The following PCDHA11 variants were observed in gnomAD, a reference collection of about 807,000 sequenced individuals.
The protein encoded by PCDHA11 is protocadherin alpha-11.
A neutral mutation model predicts 70.3 loss-of-function variants in PCDHA11; 61 were observed. The ratio of observed to expected loss-of-function variants is 0.87; its 90% CI spans 0.71 to 1.07. The LOEUF is 1.07. Among genes scored for constraint, PCDHA11 ranks in the 50% least tolerant of loss-of-function variants. The pLI, the probability that PCDHA11 is intolerant of heterozygous loss-of-function variation, is 0.00. For missense variants in PCDHA11, 1,324 were observed against 1,237.5 expected (o/e 1.07, Z -1.05); for synonymous variants, 633 against 555.1 (o/e 1.14, Z -1.97).
intron 1 of PCDHA11, among the ~76,000 whole-genome samples, chr5:140,934,368 C>A (rs2089796426): frequency 6.6e-6 from 1 of 152,102 alleles, no homozygotes; most frequent in African/African-American, 2.4e-5. Context: ...TGCTTTGACT[C>A]CTTCTGTGGT....
intron 1 of PCDHA11, among the ~76,000 whole-genome samples, chr5:140,879,111 T>A (rs1056977716): frequency 2.0e-4 from 30 of 152,184 alleles, no homozygotes; most frequent in African/African-American, 7.2e-4. Flanking sequence ...ATGGTGTAAT[T>A]GAAGGATTAG....
chr5:140,913,942 T>A (rs1489221369), intron 1 of PCDHA11, among the ~76,000 whole-genome samples: 10 of 152,198 alleles, frequency 6.6e-5, no homozygotes, highest in African/African-American at 2.4e-4. Flanking sequence ...GAGAAGAATC[T>A]TGATATGATA....
At chr5:140,997,563 A>G (rs891862395) in intron 3 of PCDHA11, among the ~76,000 whole-genome samples, 7 of 152,202 alleles carry the variant, frequency 4.6e-5, no homozygotes, top group Non-Finnish European at 8.8e-5. Context: ...GACAACTGTC[A>G]TATGTGTGGT....
chr5:140,891,481 C>G (rs2063126797), intron 1 of PCDHA11, among the ~76,000 whole-genome samples: 1 of 151,620 alleles, frequency 6.6e-6, no homozygotes, highest in Admixed American at 6.6e-5. Context: ...CTTTACATCA[C>G]TTTGAGCATA....
At chr5:140,934,930 C>G (rs1467115569) in intron 1 of PCDHA11, among the ~76,000 whole-genome samples, 2 of 152,102 alleles carry the variant, frequency 1.3e-5, no homozygotes, top group Non-Finnish European at 2.9e-5. Context: ...CATAAAGTTA[C>G]AAAACTAGTA....
intron 1 of PCDHA11, chr5:140,884,487 T>C (rs374963144): frequency 6.2e-7 from 1 of 1,613,832 alleles, no homozygotes; most frequent in African/African-American, 1.3e-5. Flanking sequence ...CCCACTCTAG[T>C]GTGCTCCAGC....
At chr5:140,966,736 T>A in intron 1 of PCDHA11, 1 of 1,418,140 alleles carries the variant, frequency 7.1e-7, no homozygotes, top group Non-Finnish European at 9.2e-7. Context: ...CCTCCGGCCC[T>A]GCCCGGCTGC....
At chr5:140,971,370 G>C (rs2096473492) in intron 1 of PCDHA11, among the ~76,000 whole-genome samples, 3 of 152,194 alleles carry the variant, frequency 2.0e-5, no homozygotes, top group African/African-American at 7.2e-5. Flanking sequence ...CCAGGAGAGT[G>C]CATGACTTTA....
Position 140,869,506 on chromosome 5 carries a change from C to G in PCDHA11, c.403C>G (p.Leu135Val), listed in dbSNP as rs782699561. The stretch of plus-strand genomic sequence containing the variant: ...TAACGACAACCCGCCGGTGTTCTCG[C>G]TCAGAGAACAAAAGCTGCTGATTGC... ...DINDNPPVFS[L>V]REQKLLIAES... is the part of the protein sequence containing the mutation. The change falls in exon 1 of 4, where the codon CTC becomes GTC. Residue 135 changes from leucine (L) to valine (V), a missense_variant. Physicochemically the swap from Leu to Val is conservative, Grantham distance 32. Coordinates refer to ENST00000398640, the MANE Select transcript of PCDHA11 (RefSeq NM_018902.5). 1.2e-5 allele frequency: 20 copies of G among 1,614,178 alleles called. No individual in the cohort carries two copies. The highest frequency in any genetic ancestry group is 6.7e-5 in the Admixed American group (4 of 60,028).
At chr5:140,921,078 C>A (rs2153559626) in intron 1 of PCDHA11, among the ~76,000 whole-genome samples, 1 of 151,870 alleles carries the variant, frequency 6.6e-6, no homozygotes, top group East Asian at 2.0e-4. Context: ...CTCTTGGGCT[C>A]AAGAGAATCC....
chr5:140,992,789 T>G (rs2097528439), intron 3 of PCDHA11, among the ~76,000 whole-genome samples: 1 of 152,148 alleles, frequency 6.6e-6, no homozygotes, highest in Admixed American at 6.5e-5. Flanking sequence ...AGGGTCAATT[T>G]TATGGATCCA....
chr5:140,980,933 C>G (rs1376814777), intron 2 of PCDHA11, among the ~76,000 whole-genome samples: 1 of 152,120 alleles, frequency 6.6e-6, no homozygotes, highest in African/African-American at 2.4e-5. Flanking sequence ...CTGCTTTGAG[C>G]TGAGCTGGCT....
At position 140,869,296 on chromosome 5, in the gene PCDHA11, C is replaced by G. The variant is rs782726122; in HGVS notation, c.193C>G (p.Arg65Gly). Residue 65 changes from arginine (R) to glycine (G), a missense_variant, in exon 1 of 4, where the codon CGG becomes GGG. Coordinates refer to ENST00000398640, the MANE Select transcript of PCDHA11 (RefSeq NM_018902.5). ...GGCGGAGCTGGTGCAGCGCCTGTTCCGGGTGGCGTCCAAAACACATGGGGA... is the reference window on the plus strand; with the variant it reads ...GGCGGAGCTGGTGCAGCGCCTGTTCGGGGTGGCGTCCAAAACACATGGGGA... Reference protein sequence around the residue: ...ELAELVQRLFRVASKTHGDLL... With the variant: ...ELAELVQRLFGVASKTHGDLL... The G allele has an allele frequency of 1.2e-6, 2 of 1,613,602 alleles. No individual in the cohort carries two copies. The highest frequency in any genetic ancestry group is 1.1e-5 in the South Asian group (1 of 91,054).
intron 1 of PCDHA11, among the ~76,000 whole-genome samples, chr5:140,873,569 G>A (rs1419596036): frequency 6.7e-6 from 1 of 148,974 alleles, no homozygotes; most frequent in African/African-American, 2.4e-5. Context: ...TTCTAGTTTG[G>A]TTGTTTAAGT....
chr5:140,966,488 C>G (rs1161799910), intron 1 of PCDHA11: 7 of 440,132 alleles, frequency 1.6e-5, no homozygotes, highest in East Asian at 1.1e-4. Context: ...TTTCCCTCCC[C>G]CTGGAGCTGT....
At chr5:140,917,324 C>CGGGGGGGGG (rs1299895515) in intron 1 of PCDHA11, among the ~76,000 whole-genome samples, 1 of 76,048 alleles carries the variant, frequency 1.3e-5, no homozygotes, top group Non-Finnish European at 2.9e-5. Context: ...GTTCATGTGG[C>CGGGGGGGGG]GGGGGAGGGG....
chr5:141,003,452 C>G (rs1554259072), intron 3 of PCDHA11, among the ~76,000 whole-genome samples: 1 of 152,112 alleles, frequency 6.6e-6, no homozygotes, highest in Non-Finnish European at 1.5e-5. Flanking sequence ...GATGAAATTA[C>G]AGGCGTGCAC....
rs868991744 is a variant in PCDHA11, at chr5:140,897,794, G to C, written c.2391+26300G>C. ...CTTCCACAATGGTTGAACTAGTTTA[G>C]AGTCCCACCAACAGTGTAAAAGTGT... On this transcript the variant is annotated intron_variant, in intron 1 of 3. Coordinates refer to ENST00000398640, the MANE Select transcript of PCDHA11 (RefSeq NM_018902.5). 7.2e-4 allele frequency among the ~76,000 whole-genome samples: 109 copies of C among 152,066 alleles called. No homozygotes were observed. The South Asian group carries it at 0.011, about 15-fold the overall frequency.
chr5:140,883,822 C>T, intron 1 of PCDHA11: 2 of 1,612,484 alleles, frequency 1.2e-6, no homozygotes, highest in Non-Finnish European at 1.7e-6. Flanking sequence ...GCAAGGTGTA[C>T]GCGCTGCAGC....
Sources: allele counts gnomAD v4.1 joint callset (sites outside exome capture counted in the v4.1 genomes callset), GRCh38; gene constraint gnomAD v4.1.1; transcripts MANE v1.5; gene names NCBI Gene and HGNC (gene_info 2026-07-23, HGNC 2026-07-21).